Variants in ANGPT1 observed in about 807,000 individuals in gnomAD.
ANGPT1 encodes angiopoietin-1.
ANGPT1 carries 17 observed loss-of-function variants against 62.2 expected under a neutral mutation model. The observed-to-expected ratio is 0.27, with a 90% CI of 0.19 to 0.41. The LOEUF is 0.41. Among genes scored for constraint, ANGPT1 ranks in the 10% least tolerant of loss-of-function variants. ANGPT1 has a pLI of 1.00. For synonymous variants in ANGPT1, 199 were observed against 198.9 expected, an observed-to-expected ratio of 1.00 and a Z score of 0.00; for missense variants, 478 against 594.9, an observed-to-expected ratio of 0.80 and a Z score of 2.04.
intron 6 of ANGPT1, among the ~76,000 whole-genome samples, chr8:107,289,765 G>A (rs1291269947): frequency 1.3e-5 from 2 of 152,030 alleles, no homozygotes; most frequent in African/African-American, 2.4e-5. Flanking sequence ...TCTGTTTATG[G>A]GGGTAATTGT....
chr8:107,336,869 A>T (rs574108249), intron 2 of ANGPT1, among the ~76,000 whole-genome samples: 13 of 152,134 alleles, frequency 8.5e-5, no homozygotes, highest in African/African-American at 3.1e-4. Context: ...AATATCTGTA[A>T]GTGCACGTTA....
At chr8:107,319,674 T>C (rs1815105738) in intron 4 of ANGPT1, among the ~76,000 whole-genome samples, 1 of 152,002 alleles carries the variant, frequency 6.6e-6, no homozygotes, top group African/African-American at 2.4e-5. Context: ...CAATCTAGTA[T>C]TATGCTATTA....
At chr8:107,315,472 C>T (rs1814992149) in intron 4 of ANGPT1, among the ~76,000 whole-genome samples, 1 of 152,044 alleles carries the variant, frequency 6.6e-6, no homozygotes, top group Non-Finnish European at 1.5e-5. Flanking sequence ...TGCAACTGAG[C>T]CATGTAGCAT....
chr8:107,394,232 G>A (rs1020776549), intron 1 of ANGPT1, among the ~76,000 whole-genome samples: 3 of 152,184 alleles, frequency 2.0e-5, no homozygotes, highest in African/African-American at 7.2e-5. Flanking sequence ...GAACCATGGA[G>A]CTACAGTGTT....
At chr8:107,325,176 A>C (rs1057196127) in intron 3 of ANGPT1, among the ~76,000 whole-genome samples, 5 of 152,210 alleles carry the variant, frequency 3.3e-5, no homozygotes, top group Non-Finnish European at 7.3e-5. Context: ...TTATTGGTTA[A>C]AAGTTTCATC....
At chr8:107,344,239 C>G (rs2130149092) in intron 2 of ANGPT1, among the ~76,000 whole-genome samples, 1 of 152,134 alleles carries the variant, frequency 6.6e-6, no homozygotes, top group East Asian at 1.9e-4. Flanking sequence ...CCCCAAAAAC[C>G]AAATTTGCCT....
chr8:107,337,299 G>T (rs957380546), intron 2 of ANGPT1, among the ~76,000 whole-genome samples: 1 of 152,148 alleles, frequency 6.6e-6, no homozygotes, highest in Non-Finnish European at 1.5e-5. Flanking sequence ...TTGTATGAGA[G>T]ACAGATTGTT....
Position 107,446,919 on chromosome 8 carries a change from G to C in ANGPT1, c.297+50343C>G, listed in dbSNP as rs547037355. Among the ~76,000 whole-genome samples, 12 of 152,244 alleles carry C rather than the reference G, an allele frequency of 7.9e-5. No individual in the cohort carries two copies. The South Asian group carries it at 2.3e-3, about 29-fold the overall frequency. Reference sequence around the variant, plus strand: ...TCTAACATAAAATAACGAAAACTCAGCTTCCAATTTTCCACTCAGGCCTCT... The same window carrying C: ...TCTAACATAAAATAACGAAAACTCACCTTCCAATTTTCCACTCAGGCCTCT... On this transcript the variant is annotated intron_variant, in intron 1 of 8. Transcript: ENST00000517746.
At chr8:107,363,589 T>C (rs916668903) in intron 1 of ANGPT1, among the ~76,000 whole-genome samples, 1 of 152,220 alleles carries the variant, frequency 6.6e-6, no homozygotes, top group African/African-American at 2.4e-5. Context: ...AGCTTCTGCA[T>C]CTAGAAAAAG....
At chr8:107,478,395 A>T (rs1812591316) in intron 1 of ANGPT1, among the ~76,000 whole-genome samples, 1 of 152,074 alleles carries the variant, frequency 6.6e-6, no homozygotes, top group African/African-American at 2.4e-5. Context: ...TAAAAATACA[A>T]AAAGTAGCTG....
In ANGPT1 at chr8:107,320,212, G is replaced by A. The variant is rs1354940711; in HGVS notation, c.808+1684C>T. ...CAGATGTTTGCTTCCCTGATATTGC[G>A]CCCAAAGTTGAAACCTAGCCAGAAT... On this transcript the variant is annotated intron_variant, in intron 4 of 8. Transcript: ENST00000517746. Among the ~76,000 whole-genome samples the A allele has an allele frequency of 4.6e-5, 7 of 151,904 alleles. No homozygotes were observed. In the East Asian group the frequency reaches 7.7e-4, roughly 17 times the overall value.
intron 7 of ANGPT1, among the ~76,000 whole-genome samples, chr8:107,268,539 T>A (rs117446774): frequency 5.3e-5 from 8 of 152,008 alleles, no homozygotes; most frequent in Non-Finnish European, 1.2e-4. Context: ...GAGCAAGGCA[T>A]TATGCAGATA....
At chr8:107,454,973 C>T (rs1811878688) in intron 1 of ANGPT1, among the ~76,000 whole-genome samples, 1 of 152,098 alleles carries the variant, frequency 6.6e-6, no homozygotes, top group Admixed American at 6.6e-5. Flanking sequence ...AAATGGGTTC[C>T]ACCCTCTTCT....
In ANGPT1 at chr8:107,410,584, T is replaced by C. The variant is rs1033421298; in HGVS notation, c.298-63487A>G. On this transcript the variant is annotated intron_variant, in intron 1 of 8. Transcript: ENST00000517746. ...GAAAAGCTAGGTTATTTCTGACCTCTGAAATCACTAGGAAAGGGAGACTGA... is the reference window on the plus strand; with the variant it reads ...GAAAAGCTAGGTTATTTCTGACCTCCGAAATCACTAGGAAAGGGAGACTGA... Among the ~76,000 whole-genome samples the C allele has an allele frequency of 3.9e-5, 6 of 152,186 alleles. No homozygotes were observed. The South Asian group carries it at 1.2e-3, about 32-fold the overall frequency.
intron 1 of ANGPT1, among the ~76,000 whole-genome samples, chr8:107,444,897 G>GT (rs1811574979): frequency 6.6e-6 from 1 of 152,172 alleles, no homozygotes; most frequent in African/African-American, 2.4e-5. Flanking sequence ...AACCCGGGGA[G>GT]TGAACTATAA....
chr8:107,380,092 T>C (rs546882350), intron 1 of ANGPT1, among the ~76,000 whole-genome samples: 27 of 151,760 alleles, frequency 1.8e-4, no homozygotes, highest in African/African-American at 6.5e-4. Flanking sequence ...CGGGATAGCC[T>C]GGTCTGGAAA....
chr8:107,383,519 T>C (rs911900220), intron 1 of ANGPT1, among the ~76,000 whole-genome samples: 1 of 152,148 alleles, frequency 6.6e-6, no homozygotes, highest in Non-Finnish European at 1.5e-5. Context: ...ATACTTCAAG[T>C]CCTGGTGGTT....
rs1563590839 is a variant in ANGPT1 at position 107,370,338 on chromosome 8, G to GAAAGAAAGAAAGAAAGAAAGA, written c.298-23242_298-23241insTCTTTCTTTCTTTCTTTCTTT. On this transcript the variant is annotated intron_variant, in intron 1 of 8. Coordinates refer to ENST00000517746, the MANE Select transcript of ANGPT1 (RefSeq NM_001146.5). ...AGGAAGGAAAGAGAAAGGAAAGAAA[G>GAAAGAAAGAAAGAAAGAAAGA]AAAAAGAAAGAAAGAAAGAAAGAAA... Among the ~76,000 whole-genome samples the GAAAGAAAGAAAGAAAGAAAGA allele has an allele frequency of 1.2e-3, 40 of 33,760 alleles. 7 individuals carry two copies. Among genetic ancestry groups the GAAAGAAAGAAAGAAAGAAAGA allele is most frequent in the Non-Finnish European group, 2.3e-3 (32 of 13,654 alleles). The allele number at this position is 33,760 out of a possible 152,430, so 22.1% of individuals were successfully genotyped here.
At chr8:107,359,279 C>T (rs1189951396) in intron 1 of ANGPT1, among the ~76,000 whole-genome samples, 2 of 152,100 alleles carry the variant, frequency 1.3e-5, no homozygotes, top group African/African-American at 2.4e-5. Flanking sequence ...CAAGAAGGAA[C>T]AAATTGTTTC....
Sources: gnomAD v4.1 joint callset for allele counts (sites outside exome capture counted in the v4.1 genomes callset) on GRCh38, gnomAD v4.1.1 for gene constraint, MANE v1.5 for transcripts, NCBI Gene and HGNC (gene_info 2026-07-23, HGNC 2026-07-21) for gene names.